The following CALD1 variants were observed in gnomAD, a reference collection of about 807,000 sequenced individuals.
The protein encoded by CALD1 is caldesmon.
Under a neutral mutation model 99.9 loss-of-function variants are expected in CALD1, and 33 were observed. The ratio of observed to expected loss-of-function variants is 0.33; its 90% CI spans 0.25 to 0.44. CALD1 has a LOEUF of 0.44. Ranked by LOEUF, CALD1 falls within the 20% of genes least tolerant of loss-of-function variation. The probability of loss-of-function intolerance (pLI) is 1.00; values close to 1 mark genes in which losing one functional copy is unlikely to be tolerated. For missense variants in CALD1, 861 were observed against 962.1 expected (o/e 0.89, Z 1.39); for synonymous variants, 310 against 325.0 (o/e 0.95, Z 0.50).
Position 134,933,054 on chromosome 7 carries a change from A to G in CALD1, c.285A>G (p.Ala95=). The stretch of plus-strand genomic sequence containing the variant: ...AAGTGGAAGGGGATGATGAGGCCGC[A>G]TTCCTGGAGCGCCTGGCTCGGCGTG... ...NTQVEGDDEA[A]FLERLARREE... The change falls in exon 5 of 15, where the codon GCA becomes GCG. Residue 95 remains alanine, a synonymous_variant. Transcript: ENST00000361675. 1.2e-6 allele frequency: 2 copies of G among 1,614,060 alleles called. No individual in the cohort carries two copies. Among genetic ancestry groups the G allele is most frequent in the Non-Finnish European group, 1.7e-6 (2 of 1,179,990 alleles).
At chr7:134,910,252 T>A (rs551781472) in intron 3 of CALD1, among the ~76,000 whole-genome samples, 24 of 152,346 alleles carry the variant, frequency 1.6e-4, no homozygotes, top group Admixed American at 5.9e-4. Flanking sequence ...TAAACCTAAC[T>A]CCAAAATTGA....
chr7:134,958,530 C>T (rs928226570), intron 11 of CALD1, among the ~76,000 whole-genome samples: 8 of 151,468 alleles, frequency 5.3e-5, no homozygotes, highest in Admixed American at 1.3e-4. Flanking sequence ...CTCAACCTCC[C>T]GAGTAGCTGG....
chr7:134,883,526 G>A (rs1245646407), intron 3 of CALD1, among the ~76,000 whole-genome samples: 2 of 151,662 alleles, frequency 1.3e-5, no homozygotes, highest in Non-Finnish European at 2.9e-5. Flanking sequence ...AAATTAGTGA[G>A]ATTAAAAAAA....
chr7:134,849,388 A>C (rs1799983913), intron 2 of CALD1, among the ~76,000 whole-genome samples: 1 of 152,124 alleles, frequency 6.6e-6, no homozygotes. Context: ...TCCATAGGGG[A>C]TTGGTTTCAG....
At chr7:134,896,354 G>A (rs1802575757) in intron 3 of CALD1, among the ~76,000 whole-genome samples, 2 of 145,050 alleles carry the variant, frequency 1.4e-5, no homozygotes, top group Non-Finnish European at 3.0e-5. Context: ...TGACCAATTT[G>A]TCTACTTTTT....
chr7:134,764,179 G>A (rs1429051584), intron 1 of CALD1, among the ~76,000 whole-genome samples: 1 of 152,046 alleles, frequency 6.6e-6, no homozygotes, highest in Non-Finnish European at 1.5e-5. Context: ...CTTAATTAGG[G>A]TAGCAACAAA....
intron 3 of CALD1, among the ~76,000 whole-genome samples, chr7:134,873,841 A>G (rs748747609): frequency 6.6e-6 from 1 of 152,248 alleles, no homozygotes; most frequent in Non-Finnish European, 1.5e-5. Context: ...GTAAGACATG[A>G]AAGTATTAAC....
intron 3 of CALD1, among the ~76,000 whole-genome samples, chr7:134,905,810 T>C (rs894201745): frequency 5.9e-5 from 9 of 152,176 alleles, no homozygotes; most frequent in Non-Finnish European, 8.8e-5. Context: ...GCAGGAGACA[T>C]GGACTTCCGT....
At chr7:134,925,307 T>C (rs956417542) in intron 3 of CALD1, among the ~76,000 whole-genome samples, 3 of 151,866 alleles carry the variant, frequency 2.0e-5, no homozygotes, top group Admixed American at 6.6e-5. Context: ...GCCAGCAATA[T>C]CCAGCCATGA....
intron 2 of CALD1, among the ~76,000 whole-genome samples, chr7:134,860,363 G>C (rs1175111355): frequency 6.6e-6 from 1 of 152,146 alleles, no homozygotes; most frequent in East Asian, 1.9e-4. Context: ...AGTTCATTTG[G>C]TACAGTCGGA....
At chr7:134,882,948 G>T (rs939066059) in intron 3 of CALD1, among the ~76,000 whole-genome samples, 2 of 152,078 alleles carry the variant, frequency 1.3e-5, no homozygotes, top group African/African-American at 4.8e-5. Flanking sequence ...TTTTATAAAT[G>T]GTTTATGCTC....
intron 6 of CALD1, among the ~76,000 whole-genome samples, chr7:134,940,515 T>C (rs1806344772): frequency 1.3e-5 from 2 of 152,184 alleles, no homozygotes; most frequent in African/African-American, 4.8e-5. Flanking sequence ...CCACATATCT[T>C]TGGATCCTCC....
intron 1 of CALD1, among the ~76,000 whole-genome samples, chr7:134,772,556 C>A (rs372352849): frequency 6.6e-6 from 1 of 152,224 alleles, no homozygotes; most frequent in East Asian, 1.9e-4. Flanking sequence ...GTCTTGCCTG[C>A]TATCCTCTGA....
chr7:134,956,887 A>G (rs1440332640), intron 9 of CALD1, among the ~76,000 whole-genome samples: 2 of 152,196 alleles, frequency 1.3e-5, no homozygotes, highest in African/African-American at 4.8e-5. Flanking sequence ...TGTGGCATGG[A>G]TTCAACAAAT....
At chr7:134,887,705 T>C (rs947258637) in intron 3 of CALD1, among the ~76,000 whole-genome samples, 1 of 151,734 alleles carries the variant, frequency 6.6e-6, no homozygotes, top group African/African-American at 2.4e-5. Context: ...TGTGCATGTG[T>C]GCATATGCAT....
chr7:134,792,050 T>C (rs188290295), intron 1 of CALD1, among the ~76,000 whole-genome samples: 1 of 152,268 alleles, frequency 6.6e-6, no homozygotes, highest in Non-Finnish European at 1.5e-5. Flanking sequence ...CAATTCAAGG[T>C]GAGATTTGGG....
At chr7:134,931,923 C>A (rs1236410290) in intron 4 of CALD1, among the ~76,000 whole-genome samples, 1 of 152,120 alleles carries the variant, frequency 6.6e-6, no homozygotes, top group Non-Finnish European at 1.5e-5. Flanking sequence ...ACGATTAGTG[C>A]CCCCAAATTT....
In CALD1 at chr7:134,968,350, G is replaced by C. The variant is rs372018254; in HGVS notation, c.*5G>C. 1.2e-6 allele frequency: 2 copies of C among 1,613,708 alleles called. No individual in the cohort carries two copies. The highest frequency in any genetic ancestry group is 1.7e-6 in the Non-Finnish European group (2 of 1,179,682). On this transcript the variant is annotated 3_prime_UTR_variant, in exon 15 of 15. Transcript: ENST00000361675. ...CTCTTCTCTTGGCAGGTTTGAGACA[G>C]TTCCAGAAAGAACCCAAGCTCAAGA...
intron 6 of CALD1, among the ~76,000 whole-genome samples, chr7:134,936,340 G>A (rs2133007362): frequency 6.6e-6 from 1 of 152,326 alleles, no homozygotes; most frequent in Middle Eastern, 3.4e-3. Flanking sequence ...GTATTTGACT[G>A]TAGGTAAGTG....
Sources: allele counts gnomAD v4.1 joint callset (sites outside exome capture counted in the v4.1 genomes callset), GRCh38; gene constraint gnomAD v4.1.1; transcripts MANE v1.5; gene names NCBI Gene and HGNC (gene_info 2026-07-23, HGNC 2026-07-21).